The following DGKA variants were observed in gnomAD, a reference collection of about 807,000 sequenced individuals.
DGKA encodes diacylglycerol kinase alpha.
Under a neutral mutation model 105.0 loss-of-function variants are expected in DGKA, and 35 were observed. The ratio of observed to expected loss-of-function variants is 0.33; its 90% CI spans 0.25 to 0.44. DGKA has a LOEUF of 0.44. Ranked by LOEUF, DGKA falls within the 20% of genes least tolerant of loss-of-function variation. The probability of loss-of-function intolerance (pLI) is 1.00; values close to 1 mark genes in which losing one functional copy is unlikely to be tolerated. For missense variants in DGKA, 665 were observed against 915.0 expected, an observed-to-expected ratio of 0.73 and a Z score of 3.53; for synonymous variants, 296 against 332.0, an observed-to-expected ratio of 0.89 and a Z score of 1.18.
chr12:55,932,813 CA>C lies in DGKA; in HGVS notation c.-82+1472del. 1 of 540,952 alleles carries C rather than the reference CA, an allele frequency of 1.8e-6. No homozygotes were observed. Among genetic ancestry groups the C allele is most frequent in the Non-Finnish European group, 3.3e-6 (1 of 300,212 alleles). The allele number at this position is 540,952 out of a possible 1,614,324, so 33.5% of individuals were successfully genotyped here. Reference sequence around the variant, plus strand: ...GCTTAATAAGTTTTGAGGCTTCAAGCAAATGATTCCCTCTTGAGGGCTACCT... The same window carrying C: ...GCTTAATAAGTTTTGAGGCTTCAAGCAATGATTCCCTCTTGAGGGCTACCT... On this transcript the variant is annotated intron_variant, in intron 1 of 23. Transcript: ENST00000331886. The surrounding 1 kb of genome is among the most constrained non-coding windows in gnomAD (Gnocchi z 4.3).
rs57799285 is a variant in DGKA at position 55,932,709 on chromosome 12, G to GCACACACA, written c.-82+1390_-82+1397dup. ...ACACCCTCTACACACACACACACACGCACACACACACACACACACACACAC... is the reference window on the plus strand; with the variant it reads ...ACACCCTCTACACACACACACACACGCACACACACACACACACACACACACACACACAC... On this transcript the variant is annotated intron_variant, in intron 1 of 23. Transcript: ENST00000331886. This position sits in a 1 kb window ranked among gnomAD's most constrained non-coding sequence, Gnocchi z 4.3. The GCACACACA allele has an allele frequency of 1.6e-5, 8 of 499,068 alleles. No homozygotes were observed. In the African/African-American group the frequency reaches 1.6e-4, roughly 10 times the overall value. 30.9% of individuals were successfully genotyped at this position (499,068 alleles called of 1,614,324 possible). A position where few individuals can be genotyped will look rare whatever the true frequency, so the allele number is the denominator to read the frequency against.
chr12:55,950,701 A>G (rs1887986878), intron 17 of DGKA, among the ~76,000 whole-genome samples: 1 of 151,842 alleles, frequency 6.6e-6, no homozygotes, highest in Non-Finnish European at 1.5e-5. Context: ...TCAGCCTCCC[A>G]AAGTGCTGGG....
At chr12:55,935,843 G>C in intron 1 of DGKA, 1 of 980,280 alleles carries the variant, frequency 1.0e-6, no homozygotes, top group East Asian at 1.1e-4. Context: ...CGTCAGAAGC[G>C]CTAGAGGTCG....
rs748730629 is a variant in DGKA at position 55,938,895 on chromosome 12, T to C, written c.400-20T>C. The C allele has an allele frequency of 3.1e-6, 5 of 1,613,960 alleles. No homozygotes were observed. Among genetic ancestry groups the C allele is most frequent in the Non-Finnish European group, 4.2e-6 (5 of 1,179,888 alleles). On this transcript the variant is annotated intron_variant, in intron 6 of 23. Coordinates refer to ENST00000331886, the MANE Select transcript of DGKA (RefSeq NM_001345.5). ...GTAGTAAAGGGGATATGGCTGTGGC[T>C]CTTGCCCTTTTTGCTCCAGGAAGTG... is the stretch of plus-strand genomic sequence containing the variant.
At chr12:55,953,514 C>G in intron 23 of DGKA, 104 bp downstream of exon 23, 1 of 1,374,578 alleles carries the variant, frequency 7.3e-7, no homozygotes, top group South Asian at 1.2e-5. Flanking sequence ...TGAACTTCCC[C>G]TGCACATCAT....
At chr12:55,939,901 C>A in intron 9 of DGKA, 181 bp from the exon 10 acceptor site, 1 of 622,790 alleles carries the variant, frequency 1.6e-6, no homozygotes, top group Non-Finnish European at 2.9e-6. Flanking sequence ...AGCAGCTGAT[C>A]TTTTAGGAGG....
chr12:55,940,230 C>G lies in DGKA; in HGVS notation c.798+60C>G. 1.2e-6 allele frequency: 2 copies of G among 1,614,024 alleles called. No homozygotes were observed. The highest frequency in any genetic ancestry group is 1.1e-5 in the South Asian group (1 of 91,068). On this transcript the variant is annotated intron_variant, in intron 10 of 23. Transcript: ENST00000331886. This position sits in a 1 kb window ranked among gnomAD's most constrained non-coding sequence, Gnocchi z 4.3. ...CTACATCCTGGCCCTGGCCCTGGCC[C>G]TTGGCCCATTGCTGCCCTCAGCCCC...
Position 55,937,076 on chromosome 12 carries a change from T to G in DGKA, c.124T>G (p.Tyr42Asp), listed in dbSNP as rs1370296853. ...CTTCGAGGATGGCGAGATGGCTAAA[T>G]ATGTCCAAGGAGATGTGAGTGGCAG... The part of the protein sequence containing the change: ...KLFEDGEMAK[Y>D]VQGDAIGYEG... The change falls in exon 3 of 24, where the codon TAT (tyrosine) becomes GAT (aspartate). Residue 42 changes from tyrosine to aspartate, a missense_variant. By Grantham distance (160) the Tyr-to-Asp change is radical. Around this residue, in one of 3 missense-constraint regions of DGKA, gnomAD observed 504 missense variants for 681.2 expected, o/e 0.74. Transcript: ENST00000331886. The G allele has an allele frequency of 6.2e-7, 1 of 1,614,150 alleles. No homozygotes were observed. The highest frequency in any genetic ancestry group is 1.1e-5 in the South Asian group (1 of 91,090).
intron 17 of DGKA, among the ~76,000 whole-genome samples, chr12:55,945,117 A>G (rs896130584): frequency 6.6e-6 from 1 of 152,178 alleles, no homozygotes; most frequent in Non-Finnish European, 1.5e-5. Context: ...GGCATTTATT[A>G]AGACAGGGAA....
chr12:55,927,553 C>A, upstream of DGKA: 1 of 841,912 alleles, frequency 1.2e-6, no homozygotes, highest in Non-Finnish European at 1.8e-6. Flanking sequence ...CAGACAAACT[C>A]CAGGAACGCA....
At chr12:55,953,517 C>A in intron 23 of DGKA, 107 bp downstream of exon 23, 1 of 1,365,150 alleles carries the variant, frequency 7.3e-7, no homozygotes, top group Admixed American at 1.8e-5. Flanking sequence ...ACTTCCCCTG[C>A]ACATCATTCA....
upstream of DGKA, chr12:55,928,277 C>T (rs1442389507): frequency 6.5e-6 from 1 of 153,822 alleles, no homozygotes; most frequent in Non-Finnish European, 1.4e-5. Context: ...GCTTATATCC[C>T]CACTTTGGCT....
chr12:55,938,416 C>A, intron 5 of DGKA, 95 bp from the exon 6 acceptor site: 1 of 1,522,474 alleles, frequency 6.6e-7, no homozygotes, highest in Admixed American at 1.7e-5. Flanking sequence ...CACCCAAAAG[C>A]TCTCTCCCTG....
At chr12:55,930,155 T>G (rs149966758), upstream of DGKA, among the ~76,000 whole-genome samples, 1 of 152,284 alleles carries the variant, frequency 6.6e-6, no homozygotes, top group East Asian at 1.9e-4. Flanking sequence ...TTTACACACA[T>G]TGCACCACTC....
rs746432622 is a variant in DGKA, at chr12:55,936,503, G to A, written c.-1G>A. On this transcript the variant is annotated 5_prime_UTR_variant, in exon 2 of 24. Transcript: ENST00000331886. ...TGGCCATCCTTGAGAAAAATAGACA[G>A]ATGGCCAAGGAGAGGGGCCTAATAA... The A allele has an allele frequency of 1.2e-5, 20 of 1,613,944 alleles. No individual in the cohort carries two copies. The South Asian group carries it at 2.1e-4, about 17-fold the overall frequency.
At chr12:55,939,991 A>T in intron 9 of DGKA, 91 bp from the exon 10 acceptor site, 1 of 1,173,710 alleles carries the variant, frequency 8.5e-7, no homozygotes, top group Non-Finnish European at 1.3e-6. Context: ...CAAGCAAGGG[A>T]TCACATATCT....
At position 55,952,203 on chromosome 12, in the gene DGKA, G is replaced by GT; in HGVS notation, c.1652+105dup. On this transcript the variant is annotated intron_variant, in intron 19 of 23. Transcript: ENST00000331886. This position sits in a 1 kb window ranked among gnomAD's most constrained non-coding sequence, Gnocchi z 5.1. Reference sequence around the variant, plus strand: ...AGAAGAACAGTGGCACCTCTAGGAGGTCCCCCCAACCAAAGCCACCCTTGT... The same window carrying GT: ...AGAAGAACAGTGGCACCTCTAGGAGGTTCCCCCCAACCAAAGCCACCCTTGT... The GT allele has an allele frequency of 6.5e-7, 1 of 1,545,294 alleles. No homozygotes were observed. The highest frequency in any genetic ancestry group is 8.9e-7 in the Non-Finnish European group (1 of 1,119,102).
At position 55,953,737 on chromosome 12, in the gene DGKA, G is replaced by A. The variant is rs540676102; in HGVS notation, c.2177G>A (p.Arg726His). 2.7e-5 allele frequency: 44 copies of A among 1,613,710 alleles called. No homozygotes were observed. Among genetic ancestry groups the A allele is most frequent in the Non-Finnish European group, 3.5e-5 (41 of 1,179,950 alleles). ...CCCATGCTCATGGGCCCACCCCCCC[G>A]CTCCACCAATTTCTTTGGCTTCTTG... The part of the protein sequence containing the change: ...QMPMLMGPPP[R>H]STNFFGFLS The change falls in exon 24 of 24, where the codon CGC (arginine) becomes CAC (histidine). Residue 726 changes from arginine to histidine, a missense_variant. Around this residue, in one of 3 missense-constraint regions of DGKA, gnomAD observed 158 missense variants for 213.4 expected, o/e 0.74. Coordinates refer to ENST00000331886, the MANE Select transcript of DGKA (RefSeq NM_001345.5).
upstream of DGKA, chr12:55,929,752 C>G (rs1340540994): frequency 2.0e-5 from 3 of 152,346 alleles, no homozygotes; most frequent in Admixed American, 2.0e-4. Context: ...TTTCTTCCCC[C>G]ACCCACACCC....
Sources: gnomAD v4.1 joint callset for allele counts (sites outside exome capture counted in the v4.1 genomes callset) on GRCh38, gnomAD v4.1.1 for gene constraint, gnomAD v4.1.1 regional missense constraint, Gnocchi (gnomAD v3.1) non-coding constraint, MANE v1.5 for transcripts, NCBI Gene and HGNC (gene_info 2026-07-23, HGNC 2026-07-21) for gene names.